NFIB: variants seen among roughly 807,000 people sequenced by gnomAD.
The protein encoded by NFIB is nuclear factor 1 B-type.
Under a neutral mutation model 61.5 loss-of-function variants are expected in NFIB, and 11 were observed. The observed-to-expected ratio is 0.18, with a 90% CI of 0.11 to 0.30. The LOEUF is 0.30. Among genes scored for constraint, NFIB ranks in the 10% least tolerant of loss-of-function variants. The probability of loss-of-function intolerance (pLI) is 1.00; values close to 1 mark genes in which losing one functional copy is unlikely to be tolerated. For synonymous variants in NFIB, 260 were observed against 216.5 expected, an observed-to-expected ratio of 1.20 and a Z score of -1.76; for missense variants, 471 against 608.9, an observed-to-expected ratio of 0.77 and a Z score of 2.38.
At chr9:14,501,782 G>T in the NFIB span, among the ~76,000 whole-genome samples, 1 of 152,312 alleles carries the variant, frequency 6.6e-6, no homozygotes, top group East Asian at 1.9e-4. Context: ...ACTACGCCCA[G>T]ATGACAATAG....
chr9:14,222,710 G>A lies in NFIB; in HGVS notation c.563-42930C>T, dbSNP rs967317052. Among the ~76,000 whole-genome samples, 11 of 143,216 alleles carry A rather than the reference G, an allele frequency of 7.7e-5. No individual in the cohort carries two copies. The South Asian group carries it at 2.4e-3, about 31-fold the overall frequency. The allele number at this position is 143,216 out of a possible 152,430, so 94.0% of individuals were successfully genotyped here. Reference sequence around the variant, plus strand: ...CTTGGGAGGCTGAGCTGGGAGGATGGCTTAAGCCCTGGGAACTCAAGGCTA... The same window carrying A: ...CTTGGGAGGCTGAGCTGGGAGGATGACTTAAGCCCTGGGAACTCAAGGCTA... On this transcript the variant is annotated intron_variant, in intron 2 of 10. Transcript: ENST00000380953.
Position 14,219,171 on chromosome 9 carries a change from A to C in NFIB, c.563-39391T>G, listed in dbSNP as rs909226022. Among the ~76,000 whole-genome samples, 10 of 152,224 alleles carry C rather than the reference A, an allele frequency of 6.6e-5. No individual in the cohort carries two copies. The South Asian group carries it at 1.9e-3, about 28-fold the overall frequency. ...TATGAAGTTTGGCACAGCCTCTCAC[A>C]ACTCCCTATCTGCCATGTTTAAAGG... On this transcript the variant is annotated intron_variant, in intron 2 of 10. Coordinates refer to ENST00000380953, the MANE Select transcript of NFIB (RefSeq NM_001190737.2).
At chr9:14,379,038 G>C (rs1056615279) in intron 1 of NFIB, among the ~76,000 whole-genome samples, 5 of 152,236 alleles carry the variant, frequency 3.3e-5, no homozygotes, top group African/African-American at 9.6e-5. Flanking sequence ...TACACAAGCA[G>C]AGTTCACAGG....
At chr9:14,200,965 C>T (rs537526538) in intron 2 of NFIB, among the ~76,000 whole-genome samples, 1 of 152,290 alleles carries the variant, frequency 6.6e-6, no homozygotes, top group Admixed American at 6.5e-5. Context: ...CATTCACAGC[C>T]ATTCAGTTTC....
intron 2 of NFIB, among the ~76,000 whole-genome samples, chr9:14,185,188 T>C (rs533859170): frequency 1.3e-5 from 2 of 152,160 alleles, no homozygotes; most frequent in Non-Finnish European, 2.9e-5. Context: ...AGATGATTCT[T>C]CCTAGGAAAG....
At chr9:14,448,568 A>G in the NFIB span, among the ~76,000 whole-genome samples, 1 of 152,224 alleles carries the variant, frequency 6.6e-6, no homozygotes, top group East Asian at 1.9e-4. Context: ...TTGTCTATCA[A>G]AGGATTTTAA....
upstream of NFIB, among the ~76,000 whole-genome samples, chr9:14,315,031 C>G (rs1028857040): frequency 3.3e-5 from 5 of 151,918 alleles, no homozygotes; most frequent in Admixed American, 6.5e-5. Context: ...CGCGGACACT[C>G]GCACCCGGGG....
chr9:14,113,769 A>AC (rs1312773302), intron 9 of NFIB, among the ~76,000 whole-genome samples: 6 of 152,208 alleles, frequency 3.9e-5, no homozygotes, highest in Non-Finnish European at 7.3e-5. Flanking sequence ...AAGCTGATGC[A>AC]CCTTTAAATA....
intron 2 of NFIB, among the ~76,000 whole-genome samples, chr9:14,206,836 G>A (rs12339675): frequency 0.44 from 66,002 of 151,704 alleles, 16,436 homozygotes; most frequent in African/African-American, 0.68. Context: ...TGGAGATCAT[G>A]CTCTATGTCT....
chr9:14,121,931 A>C (rs959287663), intron 7 of NFIB, among the ~76,000 whole-genome samples: 2 of 152,054 alleles, frequency 1.3e-5, no homozygotes, highest in African/African-American at 4.8e-5. Flanking sequence ...TATGATCATT[A>C]TCTCTAAAAT....
rs984816861 is a variant in NFIB, at chr9:14,313,800, G to A, written c.-289C>T. 8 of 1,330,602 alleles carry A rather than the reference G, an allele frequency of 6.0e-6. No individual in the cohort carries two copies. The highest frequency in any genetic ancestry group is 3.0e-5 in the African/African-American group (2 of 66,940). The allele number at this position is 1,330,602 out of a possible 1,614,324, so 82.4% of individuals were successfully genotyped here. On this transcript the variant is annotated 5_prime_UTR_variant, in exon 1 of 11. Transcript: ENST00000380953. This position sits in a 1 kb window ranked among gnomAD's most constrained non-coding sequence, Gnocchi z 4.5. ...GCTTGCCGAGGCCGCCGCCGCCGCC[G>A]GTGTTGGCTGCTTTTCGCCTGGGTT...
chr9:14,291,269 G>A (rs1419039267), intron 2 of NFIB, among the ~76,000 whole-genome samples: 3 of 152,002 alleles, frequency 2.0e-5, no homozygotes, highest in Non-Finnish European at 2.9e-5. Context: ...TGGATCACTC[G>A]AGGTCAGGTG....
intron 1 of NFIB, among the ~76,000 whole-genome samples, chr9:14,374,660 A>C (rs2061396362): frequency 6.6e-6 from 1 of 152,270 alleles, no homozygotes; most frequent in Admixed American, 6.5e-5. Context: ...CTGTAGTCCC[A>C]GCACTTTGTG....
chr9:14,100,670 C>A (rs1431945423), intron 10 of NFIB, among the ~76,000 whole-genome samples: 1 of 152,124 alleles, frequency 6.6e-6, no homozygotes, highest in Non-Finnish European at 1.5e-5. Context: ...GCCGAGATTG[C>A]GCCACTGCAC....
chr9:14,390,733 T>C (rs1299063455), intron 1 of NFIB, among the ~76,000 whole-genome samples: 2 of 152,238 alleles, frequency 1.3e-5, no homozygotes, highest in African/African-American at 4.8e-5. Flanking sequence ...TCTTCTTCTA[T>C]GTGAGAACAC....
At chr9:14,231,039 C>T (rs562377425) in intron 2 of NFIB, among the ~76,000 whole-genome samples, 2 of 149,328 alleles carry the variant, frequency 1.3e-5, no homozygotes, top group South Asian at 4.3e-4. Flanking sequence ...GGCAGAGCTG[C>T]CACTCTGTCA....
intron 1 of NFIB, among the ~76,000 whole-genome samples, chr9:14,389,325 C>A (rs1429866353): frequency 6.6e-6 from 1 of 152,130 alleles, no homozygotes; most frequent in Non-Finnish European, 1.5e-5. Flanking sequence ...CTTTCTCCTC[C>A]CACCTTTCTG....
chr9:14,178,813 C>A (rs1041990513), intron 3 of NFIB, among the ~76,000 whole-genome samples: 28 of 152,076 alleles, frequency 1.8e-4, no homozygotes, highest in African/African-American at 6.0e-4. Flanking sequence ...GAAGATCAAA[C>A]GATGGAGGAC....
chr9:14,125,305 A>C (rs2039490415), intron 7 of NFIB, among the ~76,000 whole-genome samples: 1 of 152,004 alleles, frequency 6.6e-6, no homozygotes, highest in Admixed American at 6.6e-5. Flanking sequence ...TTACAGGCTC[A>C]TGCCACCATG....
Sources: gnomAD v4.1 joint callset for allele counts (sites outside exome capture counted in the v4.1 genomes callset) on GRCh38, gnomAD v4.1.1 for gene constraint, Gnocchi (gnomAD v3.1) non-coding constraint, MANE v1.5 for transcripts, NCBI Gene and HGNC (gene_info 2026-07-23, HGNC 2026-07-21) for gene names.